Variants in COL5A2 observed in about 807,000 individuals in gnomAD.
COL5A2 encodes collagen alpha-2(V) chain.
In COL5A2, 23 loss-of-function variants were observed where a neutral mutation model predicts 208.2. The observed-to-expected ratio is 0.11, with a 90% CI of 0.08 to 0.16. COL5A2 has a LOEUF of 0.16. COL5A2 is among the 10% of genes least tolerant of loss of function. The pLI, the probability that COL5A2 is intolerant of heterozygous loss-of-function variation, is 1.00. For missense variants in COL5A2, 1,590 were observed against 1,956.4 expected, an observed-to-expected ratio of 0.81 and a Z score of 3.53; for synonymous variants, 625 against 628.5, an observed-to-expected ratio of 0.99 and a Z score of 0.08.
At chr2:189,130,868 T>A (rs1687696134) in intron 1 of COL5A2, among the ~76,000 whole-genome samples, 1 of 152,080 alleles carries the variant, frequency 6.6e-6, no homozygotes, top group Admixed American at 6.6e-5. Flanking sequence ...TTGACTACCT[T>A]CTATATCTTA....
At chr2:189,288,741 C>T in the COL5A2 span, among the ~76,000 whole-genome samples, 1 of 152,036 alleles carries the variant, frequency 6.6e-6, no homozygotes. Flanking sequence ...GATACCAAAG[C>T]CAGACAAAGA....
At chr2:189,415,841 T>C in the COL5A2 span, among the ~76,000 whole-genome samples, 1 of 152,194 alleles carries the variant, frequency 6.6e-6, no homozygotes, top group Admixed American at 6.5e-5. Context: ...TTTGTATTTT[T>C]AGTAGAGGCG....
chr2:189,172,949 T>C (rs1367788325), intron 1 of COL5A2, among the ~76,000 whole-genome samples: 5 of 147,844 alleles, frequency 3.4e-5, no homozygotes, highest in African/African-American at 1.2e-4. Context: ...TAATTAATAT[T>C]GTTAACATTT....
intron 1 of COL5A2, among the ~76,000 whole-genome samples, chr2:189,219,686 T>C (rs372995151): frequency 1.3e-5 from 2 of 152,106 alleles, no homozygotes; most frequent in African/African-American, 4.8e-5. Context: ...GGGAAAAGCA[T>C]ATAGTTTAAA....
chr2:189,421,467 A>C, the COL5A2 span, among the ~76,000 whole-genome samples: 1 of 152,180 alleles, frequency 6.6e-6, no homozygotes, highest in Admixed American at 6.5e-5. Context: ...AGATAGTTTT[A>C]TGTTACCTGC....
intron 1 of COL5A2, among the ~76,000 whole-genome samples, chr2:189,146,677 A>G (rs552212077): frequency 7.9e-5 from 12 of 152,180 alleles, no homozygotes; most frequent in Non-Finnish European, 1.5e-4. Context: ...AATAGTTTAA[A>G]ATAAAATGAA....
At chr2:189,266,751 A>G in the COL5A2 span, among the ~76,000 whole-genome samples, 1 of 152,066 alleles carries the variant, frequency 6.6e-6, no homozygotes, top group African/African-American at 2.4e-5. Flanking sequence ...TATACACTTT[A>G]AAGAGGTGAA....
chr2:189,409,202 CTCTTTTTT>C, the COL5A2 span, among the ~76,000 whole-genome samples: 1 of 89,782 alleles, frequency 1.1e-5, no homozygotes, highest in Non-Finnish European at 2.6e-5. Context: ...TATAAATTTA[CTCTTTTTT>C]TTTTTTTTTT....
chr2:189,308,402 G>A, the COL5A2 span, among the ~76,000 whole-genome samples: 5,605 of 152,004 alleles, frequency 0.037, 118 homozygotes, highest in Admixed American at 0.05. Context: ...ACAGATAGCC[G>A]GCCCTGAAAG....
rs111245813 is a variant in COL5A2 at position 189,162,491 on chromosome 2, C to T, written c.97+17017G>A. ...GTTACTGATAACACTTTAATAATGA[C>T]TTCTGAAGATAGAATGGGATTTAAA... On this transcript the variant is annotated intron_variant, in intron 1 of 53. Transcript: ENST00000374866. Among the ~76,000 whole-genome samples the T allele has an allele frequency of 5.8e-3, 876 of 152,280 alleles. 8 individuals are homozygous for T. The highest frequency in any genetic ancestry group is 9.6e-3 in the Non-Finnish European group (653 of 68,010).
At chr2:189,165,961 T>C (rs931952884) in intron 1 of COL5A2, among the ~76,000 whole-genome samples, 2 of 152,318 alleles carry the variant, frequency 1.3e-5, no homozygotes, top group Non-Finnish European at 2.9e-5. Context: ...TATCTATTTA[T>C]TTATTCTAAA....
chr2:189,372,284 T>C, the COL5A2 span, among the ~76,000 whole-genome samples: 1 of 152,246 alleles, frequency 6.6e-6, no homozygotes, highest in Admixed American at 6.5e-5. Flanking sequence ...GAGACTTACT[T>C]ACATTTAGAA....
chr2:189,174,763 G>A (rs1369252578), intron 1 of COL5A2, among the ~76,000 whole-genome samples: 2 of 152,124 alleles, frequency 1.3e-5, no homozygotes, highest in East Asian at 3.9e-4. Context: ...GACCCTACGA[G>A]TCATGGTCCA....
At chr2:189,297,532 C>T in the COL5A2 span, among the ~76,000 whole-genome samples, 2 of 151,892 alleles carry the variant, frequency 1.3e-5, no homozygotes, top group African/African-American at 4.8e-5. Flanking sequence ...TAGTGATTCA[C>T]CTTTGTACTC....
the COL5A2 span, among the ~76,000 whole-genome samples, chr2:189,271,583 C>T: frequency 3.3e-5 from 5 of 152,156 alleles, no homozygotes; most frequent in Non-Finnish European, 7.3e-5. Flanking sequence ...CAATACCATT[C>T]AGGACATAGG....
chr2:189,183,496 T>C (rs1029617348), upstream of COL5A2, among the ~76,000 whole-genome samples: 7 of 152,266 alleles, frequency 4.6e-5, no homozygotes, highest in Admixed American at 3.9e-4. Flanking sequence ...TACAGACCTA[T>C]ATTTTTCAAG....
At chr2:189,289,969 T>A in the COL5A2 span, among the ~76,000 whole-genome samples, 18 of 152,236 alleles carry the variant, frequency 1.2e-4, no homozygotes, top group East Asian at 3.5e-3. Context: ...TTCAAAGACA[T>A]TTCTAGAAAT....
At chr2:189,380,031 A>G in the COL5A2 span, among the ~76,000 whole-genome samples, 1 of 151,118 alleles carries the variant, frequency 6.6e-6, no homozygotes, top group Non-Finnish European at 1.5e-5. Flanking sequence ...AGGGAGTGAA[A>G]TATTTTATAT....
chr2:189,392,402 T>C, the COL5A2 span, among the ~76,000 whole-genome samples: 1 of 152,220 alleles, frequency 6.6e-6, no homozygotes, highest in Non-Finnish European at 1.5e-5. Context: ...CTGATTATCC[T>C]AGTCTTTCAC....
Sources: gnomAD v4.1 joint callset for allele counts (sites outside exome capture counted in the v4.1 genomes callset) on GRCh38, gnomAD v4.1.1 for gene constraint, MANE v1.5 for transcripts, NCBI Gene and HGNC (gene_info 2026-07-23, HGNC 2026-07-21) for gene names.